Variants in SPATA22 observed in about 807,000 individuals in gnomAD.
The protein encoded by SPATA22 is spermatogenesis associated 22.
Under a neutral mutation model 47.8 loss-of-function variants are expected in SPATA22, and 29 were observed. That is an observed-to-expected ratio of 0.61 (90% CI 0.45 to 0.83). The LOEUF (loss-of-function observed/expected upper bound fraction) is 0.83, where lower values mean the gene tolerates loss of function less well. Among genes scored for constraint, SPATA22 ranks in the 40% least tolerant of loss-of-function variants. SPATA22 has a pLI of 0.00. For synonymous variants in SPATA22, 133 were observed against 140.9 expected, an observed-to-expected ratio of 0.94 and a Z score of 0.40; for missense variants, 410 against 421.7, an observed-to-expected ratio of 0.97 and a Z score of 0.24.
At chr17:3,447,990 A>T (rs1389834905) in intron 6 of SPATA22, among the ~76,000 whole-genome samples, 1 of 152,242 alleles carries the variant, frequency 6.6e-6, no homozygotes, top group Non-Finnish European at 1.5e-5. Flanking sequence ...GGGAGCAGAG[A>T]TGAGGAATAA....
intron 5 of SPATA22, among the ~76,000 whole-genome samples, chr17:3,452,806 A>G (rs2072894404): frequency 6.6e-6 from 1 of 152,178 alleles, no homozygotes; most frequent in African/African-American, 2.4e-5. Flanking sequence ...AAATACCTAG[A>G]AACAAGCAAC....
chr17:3,444,412 C>T (rs16953050), intron 7 of SPATA22, among the ~76,000 whole-genome samples: 8,444 of 152,070 alleles, frequency 0.056, 458 homozygotes, highest in African/African-American at 0.14. Flanking sequence ...TATGCAAAGA[C>T]TCATTTGTTA....
chr17:3,451,509 T>C (rs1485140632), intron 5 of SPATA22, among the ~76,000 whole-genome samples: 1 of 152,164 alleles, frequency 6.6e-6, no homozygotes, highest in African/African-American at 2.4e-5. Context: ...GACTACACAT[T>C]CTTCTCAAGC....
intron 1 of SPATA22, chr17:3,501,776 C>T (rs1327592077): frequency 1.3e-5 from 2 of 152,350 alleles, no homozygotes; most frequent in African/African-American, 4.8e-5. Context: ...CATGGTGAAA[C>T]CCCCTCTCTA....
intron 1 of SPATA22, chr17:3,503,381 T>G (rs944289878): frequency 5.9e-5 from 9 of 152,206 alleles, no homozygotes; most frequent in African/African-American, 2.2e-4. Flanking sequence ...TTATTTACAT[T>G]GGAATAAACT....
In SPATA22 at chr17:3,501,091, A is replaced by C. The variant is rs558648718; in HGVS notation, c.-74+12321T>G. 2.6e-5 allele frequency: 4 copies of C among 152,300 alleles called. No individual in the cohort carries two copies. The East Asian group carries it at 7.7e-4, about 29-fold the overall frequency. The allele number at this position is 152,300 out of a possible 1,614,324, so 9.4% of individuals were successfully genotyped here. A position where few individuals can be genotyped will look rare whatever the true frequency, so the allele number is the denominator to read the frequency against. ...ACATCCAGCCGAAGCCCATGGATCA[A>C]GGCGTCATTGTGACTTTCAAATCTA... is the stretch of plus-strand genomic sequence containing the variant. On this transcript the variant is annotated intron_variant, in intron 1 of 8. Coordinates refer to the SPATA22 transcript ENST00000541913.
At chr17:3,481,229 A>T (rs1392800643) in intron 1 of SPATA22, among the ~76,000 whole-genome samples, 2 of 152,210 alleles carry the variant, frequency 1.3e-5, no homozygotes, top group African/African-American at 4.8e-5. Flanking sequence ...GATGCATTTG[A>T]TGGTCTAGTC....
intron 8 of SPATA22, chr17:3,440,963 A>G (rs2072584744): frequency 6.6e-6 from 1 of 152,094 alleles, no homozygotes; most frequent in South Asian, 2.1e-4. Context: ...GCGTCCAAGG[A>G]AAAGAGATTC....
chr17:3,502,808 T>C (rs1300707632), intron 1 of SPATA22: 2 of 152,354 alleles, frequency 1.3e-5, no homozygotes, highest in East Asian at 3.9e-4. Flanking sequence ...CAGCTGTCAC[T>C]TCTCATTTTG....
rs2073707436 is a variant in SPATA22, at chr17:3,485,767, G to A, written c.-73-16369C>T. On this transcript the variant is annotated intron_variant, in intron 1 of 8. Coordinates refer to the SPATA22 transcript ENST00000541913. The surrounding 1 kb of genome is among the most constrained non-coding windows in gnomAD (Gnocchi z 4.4). ...TAGCACCTCTGAGTGGATGCCAGTA[G>A]AAGACACAAGACTCCTAAAACAGAG... Among the ~76,000 whole-genome samples, 1 of 152,158 alleles carries A rather than the reference G, an allele frequency of 6.6e-6. No individual in the cohort carries two copies. The highest frequency in any genetic ancestry group is 6.6e-5 in the Admixed American group (1 of 15,264).
At position 3,505,642 on chromosome 17, in the gene SPATA22, T is replaced by C. The variant is rs569658560; in HGVS notation, c.-74+7770A>G. Among the ~76,000 whole-genome samples, 74 of 152,300 alleles carry C rather than the reference T, an allele frequency of 4.9e-4. 1 individual carries two copies. The Middle Eastern group carries it at 0.031, about 63-fold the overall frequency. On this transcript the variant is annotated intron_variant, in intron 1 of 8. Coordinates refer to the SPATA22 transcript ENST00000541913. ...GAGAGGCCTATACGGGTCATGGATG[T>C]TCCAGGGCAGCAGGACCAGGGAGCG... is the stretch of plus-strand genomic sequence containing the variant.
chr17:3,455,744 T>TG lies in SPATA22; in HGVS notation c.330-6596dup, dbSNP rs2072975725. 2.7e-5 allele frequency among the ~76,000 whole-genome samples: 4 copies of TG among 147,192 alleles called. No homozygotes were observed. The South Asian group carries it at 9.0e-4, about 33-fold the overall frequency. On this transcript the variant is annotated intron_variant, in intron 5 of 8. Coordinates refer to ENST00000572969, the MANE Select transcript of SPATA22 (RefSeq NM_001170698.2). ...TCAGGTAGCGTGATGCCTCCAGCTT[T>TG]GTTCTTTTGGCTTAGGATTGACTTG...
At chr17:3,480,233 A>G (rs11651636) in intron 1 of SPATA22, among the ~76,000 whole-genome samples, 55,659 of 152,188 alleles carry the variant, frequency 0.37, 12,980 homozygotes, top group Non-Finnish European at 0.54. Flanking sequence ...CTGCCCAGAC[A>G]GAGCTGATTT....
intron 5 of SPATA22, among the ~76,000 whole-genome samples, chr17:3,453,512 G>A (rs982508258): frequency 2.6e-5 from 4 of 152,070 alleles, no homozygotes; most frequent in South Asian, 4.2e-4. Context: ...CACAATAAAG[G>A]TCATTTGCAA....
chr17:3,471,638 T>C (rs2073438266), intron 1 of SPATA22, 44 bp downstream of exon 1: 6 of 985,408 alleles, frequency 6.1e-6, no homozygotes, highest in Non-Finnish European at 7.2e-6. Flanking sequence ...CAAAGGCCTC[T>C]CCTGACCCGC....
chr17:3,475,582 C>T (rs3829957), upstream of SPATA22: 34,303 of 153,292 alleles, frequency 0.22, 4,231 homozygotes, highest in East Asian at 0.45. Flanking sequence ...GAATGGGCGC[C>T]GGTTCAAGAG....
chr17:3,460,697 G>A (rs2073104978), intron 5 of SPATA22, among the ~76,000 whole-genome samples: 1 of 148,394 alleles, frequency 6.7e-6, no homozygotes, highest in African/African-American at 2.5e-5. Flanking sequence ...GGAGGCTGAG[G>A]TAGGAGGATT....
At position 3,485,083 on chromosome 17, in the gene SPATA22, A is replaced by G. The variant is rs1288264901; in HGVS notation, c.-73-15685T>C. On this transcript the variant is annotated intron_variant, in intron 1 of 8. Coordinates refer to the SPATA22 transcript ENST00000541913. The surrounding 1 kb of genome is among the most constrained non-coding windows in gnomAD (Gnocchi z 4.4). Reference sequence around the variant, plus strand: ...TGCCCAGGCTGAGTGTAGTGGCACGATCACAGTTCACTGCAGCCTTGACCT... The same window carrying G: ...TGCCCAGGCTGAGTGTAGTGGCACGGTCACAGTTCACTGCAGCCTTGACCT... Among the ~76,000 whole-genome samples the G allele has an allele frequency of 6.6e-6, 1 of 152,092 alleles. No individual in the cohort carries two copies. Among genetic ancestry groups the G allele is most frequent in the Non-Finnish European group, 1.5e-5 (1 of 68,024 alleles).
chr17:3,505,765 T>G (rs909500595), intron 1 of SPATA22, among the ~76,000 whole-genome samples: 4 of 62,884 alleles, frequency 6.4e-5, no homozygotes, highest in African/African-American at 1.4e-4. Flanking sequence ...TGTTTTTTTT[T>G]TTTTGTTTTT....
Sources: gnomAD v4.1 joint callset for allele counts (sites outside exome capture counted in the v4.1 genomes callset) on GRCh38, gnomAD v4.1.1 for gene constraint, Gnocchi (gnomAD v3.1) non-coding constraint, MANE v1.5 for transcripts, NCBI Gene and HGNC (gene_info 2026-07-23, HGNC 2026-07-21) for gene names.